Variants in PXYLP1 observed in about 807,000 individuals in gnomAD.
PXYLP1 encodes the protein 2-phosphoxylose phosphatase 1, also known as acid phosphatase-like 2.
PXYLP1 carries 17 observed loss-of-function variants against 37.9 expected under a neutral mutation model. The ratio of observed to expected loss-of-function variants is 0.45; its 90% CI spans 0.31 to 0.67. The LOEUF (loss-of-function observed/expected upper bound fraction) is 0.67, where lower values mean the gene tolerates loss of function less well. Ranked by LOEUF, PXYLP1 falls within the 30% of genes least tolerant of loss-of-function variation. PXYLP1 has a pLI of 0.07. For synonymous variants in PXYLP1, 221 were observed against 232.2 expected (o/e 0.95, Z 0.44); for missense variants, 511 against 612.0 (o/e 0.84, Z 1.74).
At chr3:141,274,311 G>A (rs1456767803) in intron 2 of PXYLP1, 27 of 1,369,306 alleles carry the variant, frequency 2.0e-5, no homozygotes, top group South Asian at 5.1e-5. Context: ...CCTGGAGCCC[G>A]GCCTGCACAT....
intron 2 of PXYLP1, among the ~76,000 whole-genome samples, chr3:141,277,639 G>T (rs1288086161): frequency 1.3e-5 from 2 of 152,242 alleles, no homozygotes; most frequent in Admixed American, 6.5e-5. Flanking sequence ...CTGCCAGGGG[G>T]TGGGGACACT....
chr3:141,284,949 T>C (rs1942036186), intron 4 of PXYLP1, among the ~76,000 whole-genome samples: 1 of 152,102 alleles, frequency 6.6e-6, no homozygotes, highest in Non-Finnish European at 1.5e-5. Context: ...CACTTCACAG[T>C]TGAATTCACT....
At chr3:141,262,084 G>A (rs912389530) in intron 2 of PXYLP1, 1 of 165,878 alleles carries the variant, frequency 6.0e-6, no homozygotes, top group Non-Finnish European at 1.3e-5. Context: ...AGAGGAACAT[G>A]GGGAAGGCTT....
At chr3:141,253,948 GT>G (rs1262221723) in intron 1 of PXYLP1, among the ~76,000 whole-genome samples, 1 of 150,780 alleles carries the variant, frequency 6.6e-6, no homozygotes, top group African/African-American at 2.4e-5. Flanking sequence ...GTTTCTCTTT[GT>G]CACCCAGGCT....
At chr3:141,277,191 A>G (rs1038966854) in intron 2 of PXYLP1, among the ~76,000 whole-genome samples, 3 of 152,190 alleles carry the variant, frequency 2.0e-5, no homozygotes, top group Non-Finnish European at 2.9e-5. Flanking sequence ...ATGTAGAAGA[A>G]TTTGTAGAAG....
At chr3:141,237,212 T>C (rs974071696) in intron 1 of PXYLP1, among the ~76,000 whole-genome samples, 20 of 152,252 alleles carry the variant, frequency 1.3e-4, no homozygotes, top group African/African-American at 4.3e-4. Flanking sequence ...TAGGTGGTCC[T>C]ATTCTTAGGG....
At chr3:141,249,470 CTTTTT>C (rs564313232) in intron 1 of PXYLP1, among the ~76,000 whole-genome samples, 9 of 93,168 alleles carry the variant, frequency 9.7e-5, no homozygotes, top group African/African-American at 3.4e-4. Context: ...ACTTTGGAAG[CTTTTT>C]TTTTTTTTTT....
intron 1 of PXYLP1, among the ~76,000 whole-genome samples, chr3:141,244,121 CATA>C (rs1171039005): frequency 6.6e-6 from 1 of 152,204 alleles, no homozygotes; most frequent in African/African-American, 2.4e-5. Context: ...TATAACCACT[CATA>C]ATATTTAGGA....
Position 141,292,279 on chromosome 3 carries a change from C to A in PXYLP1, c.517C>A (p.His173Asn). The part of the protein sequence containing the change: ...GELTQTGVVQ[H>N]LQNGQLLRDI... ...TGCTTGTGTTTCAGGAGTTGTGCAG[C>A]ATTTGCAGAACGGTCAGCTGCTGAG... Residue 173 changes from histidine to asparagine, a missense_variant, in exon 6 of 6, where the codon CAT (histidine) becomes AAT (asparagine). By Grantham distance (68) the His-to-Asn change is moderately conservative. Coordinates refer to ENST00000286353, the MANE Select transcript of PXYLP1 (RefSeq NM_001037172.3). The surrounding 1 kb of genome is among the most constrained non-coding windows in gnomAD (Gnocchi z 4.3). The A allele has an allele frequency of 6.3e-7, 1 of 1,591,276 alleles. No homozygotes were observed. Among genetic ancestry groups the A allele is most frequent in the Middle Eastern group, 1.8e-4 (1 of 5,676 alleles).
At chr3:141,253,870 T>TA (rs1941199918) in intron 1 of PXYLP1, among the ~76,000 whole-genome samples, 1 of 131,722 alleles carries the variant, frequency 7.6e-6, no homozygotes. Context: ...TAATATATAT[T>TA]AGATATGTAT....
At chr3:141,286,543 G>T (rs931196212) in intron 4 of PXYLP1, among the ~76,000 whole-genome samples, 7 of 152,204 alleles carry the variant, frequency 4.6e-5, no homozygotes, top group Admixed American at 3.9e-4. Flanking sequence ...TGGTGGAAGT[G>T]TTGAAGAATG....
chr3:141,250,777 TTGGAG>T (rs1281030883), intron 1 of PXYLP1, among the ~76,000 whole-genome samples: 3 of 152,366 alleles, frequency 2.0e-5, no homozygotes, highest in Admixed American at 2.0e-4. Flanking sequence ...CCATTGATGC[TTGGAG>T]TTGCTGAATC....
intron 4 of PXYLP1, among the ~76,000 whole-genome samples, chr3:141,283,398 C>A (rs1941998715): frequency 6.6e-6 from 1 of 152,010 alleles, no homozygotes; most frequent in South Asian, 2.1e-4. Flanking sequence ...ACAGACAGAA[C>A]CTGAGGAGTG....
At chr3:141,246,339 G>A (rs1282282774) in intron 1 of PXYLP1, among the ~76,000 whole-genome samples, 1 of 152,168 alleles carries the variant, frequency 6.6e-6, no homozygotes. Flanking sequence ...CAGCCACCCA[G>A]GAATTTCACC....
In PXYLP1 at chr3:141,292,825, C is replaced by G. The variant is rs1395059022; in HGVS notation, c.1063C>G (p.Gln355Glu). 5.0e-6 allele frequency: 8 copies of G among 1,613,954 alleles called. No homozygotes were observed. Among genetic ancestry groups the G allele is most frequent in the Non-Finnish European group, 6.8e-6 (8 of 1,179,914 alleles). The change falls in exon 6 of 6, where the codon CAA (glutamine) becomes GAA (glutamate). Residue 355 changes from glutamine to glutamate, a missense_variant. Transcript: ENST00000286353. This position sits in a 1 kb window ranked among gnomAD's most constrained non-coding sequence, Gnocchi z 4.3. Reference protein sequence around the residue: ...SLLGAHPILNQTIGRMQRATE... With the variant: ...SLLGAHPILNETIGRMQRATE... ...CCTGGGTGCCCACCCCATCCTGAAC[C>G]AAACCATCGGCCGGATGCAGCGTGC...
At chr3:141,276,261 C>T (rs1007620461) in intron 2 of PXYLP1, among the ~76,000 whole-genome samples, 3 of 152,232 alleles carry the variant, frequency 2.0e-5, no homozygotes, top group African/African-American at 7.2e-5. Context: ...TGCGAATATA[C>T]AAACAAGTAA....
Position 141,259,637 on chromosome 3 carries a change from T to G in PXYLP1, c.-53-486T>G, listed in dbSNP as rs568604904. Among the ~76,000 whole-genome samples, 9 of 152,280 alleles carry G rather than the reference T, an allele frequency of 5.9e-5. No homozygotes were observed. In the East Asian group the frequency reaches 1.7e-3, roughly 29 times the overall value. ...ACACCCAGACCATCCCCCAAGGCATTGGGGGACATGTTGTGATGATTGTTG... is the reference window on the plus strand; with the variant it reads ...ACACCCAGACCATCCCCCAAGGCATGGGGGGACATGTTGTGATGATTGTTG... On this transcript the variant is annotated intron_variant, in intron 1 of 5. Transcript: ENST00000286353.
Position 141,278,474 on chromosome 3 carries a change from C to T in PXYLP1, c.212C>T (p.Pro71Leu). 6.2e-7 allele frequency: 1 copy of T among 1,614,220 alleles called. No homozygotes were observed. The highest frequency in any genetic ancestry group is 8.5e-7 in the Non-Finnish European group (1 of 1,180,040). The change falls in exon 3 of 6, where the codon CCC becomes CTC. Residue 71 changes from proline (P) to leucine (L), a missense_variant. Physicochemically the swap from Pro to Leu is moderately conservative, Grantham distance 98 (BLOSUM62 -3). Coordinates refer to ENST00000286353, the MANE Select transcript of PXYLP1 (RefSeq NM_001037172.3). ...GAAGCTCTTTTGTACTGCAACATCC[C>T]CAGCGTGGCCGAGCGCAGCATGGAA... ...VYEALLYCNI[P>L]SVAERSMEGH...
rs548473574 is a variant in PXYLP1, at chr3:141,277,173, A to G, written c.80-1169A>G. 8.5e-5 allele frequency among the ~76,000 whole-genome samples: 13 copies of G among 152,268 alleles called. 1 individual carries two copies. In the South Asian group the frequency reaches 2.5e-3, roughly 29 times the overall value. ...CATCTGTTTGCCAAAGGGAAGTTTT[A>G]AATATTTATGTAGAAGAATTTGTAG... On this transcript the variant is annotated intron_variant, in intron 2 of 5. Coordinates refer to ENST00000286353, the MANE Select transcript of PXYLP1 (RefSeq NM_001037172.3).
Sources: gnomAD v4.1 joint callset for allele counts (sites outside exome capture counted in the v4.1 genomes callset) on GRCh38, gnomAD v4.1.1 for gene constraint, Gnocchi (gnomAD v3.1) non-coding constraint, MANE v1.5 for transcripts, NCBI Gene and HGNC (gene_info 2026-07-23, HGNC 2026-07-21) for gene names.